ADGRL4: variants seen among roughly 807,000 people sequenced by gnomAD.
The protein encoded by ADGRL4 is adhesion G protein-coupled receptor L4, also known as EGF, latrophilin and seven transmembrane domain containing 1.
Under a neutral mutation model 74.8 loss-of-function variants are expected in ADGRL4, and 90 were observed. The observed-to-expected ratio is 1.20, with a 90% CI of 1.02 to 1.43. The LOEUF (loss-of-function observed/expected upper bound fraction) is 1.43. Among genes scored for constraint, ADGRL4 ranks in the 40% most tolerant of loss-of-function variants. The probability of loss-of-function intolerance (pLI) is 0.00; values close to 1 mark genes in which losing one functional copy is unlikely to be tolerated. For synonymous variants in ADGRL4, 311 were observed against 279.2 expected, an observed-to-expected ratio of 1.11 and a Z score of -1.14; for missense variants, 881 against 814.3, an observed-to-expected ratio of 1.08 and a Z score of -1.00.
intron 3 of ADGRL4, among the ~76,000 whole-genome samples, chr1:78,945,253 A>G (rs911367090): frequency 6.6e-6 from 1 of 150,794 alleles, no homozygotes; most frequent in Admixed American, 6.6e-5. Flanking sequence ...TTGAATATCT[A>G]TCTCTTTTAT....
intron 2 of ADGRL4, among the ~76,000 whole-genome samples, chr1:78,995,211 C>T (rs187406449): frequency 1.2e-4 from 19 of 152,224 alleles, no homozygotes; most frequent in African/African-American, 3.9e-4. Context: ...CAAGTGACCC[C>T]GGTATAGCAC....
intron 2 of ADGRL4, among the ~76,000 whole-genome samples, chr1:78,973,265 T>C (rs1365407702): frequency 6.6e-6 from 1 of 152,100 alleles, no homozygotes; most frequent in African/African-American, 2.4e-5. Context: ...GTCTGGTGAT[T>C]CCCTTCATAT....
chr1:78,939,384 T>A, intron 3 of ADGRL4, 126 bp from the exon 4 acceptor site: 1 of 1,028,870 alleles, frequency 9.7e-7, no homozygotes, highest in Non-Finnish European at 1.3e-6. Context: ...AACACTTGAA[T>A]TTCCTCTTCA....
At chr1:79,000,501 A>G (rs933541066) in intron 2 of ADGRL4, among the ~76,000 whole-genome samples, 2 of 152,160 alleles carry the variant, frequency 1.3e-5, no homozygotes, top group African/African-American at 4.8e-5. Context: ...AGTAAATATT[A>G]ACCTAAAGAA....
intron 2 of ADGRL4, among the ~76,000 whole-genome samples, chr1:78,950,231 C>A (rs183605581): frequency 5.3e-5 from 8 of 152,110 alleles, no homozygotes; most frequent in Admixed American, 5.2e-4. Flanking sequence ...AAGGGGTCCC[C>A]ACAATCCAAT....
At chr1:78,955,929 A>G (rs1649820268) in intron 2 of ADGRL4, among the ~76,000 whole-genome samples, 1 of 152,154 alleles carries the variant, frequency 6.6e-6, no homozygotes, top group Admixed American at 6.6e-5. Context: ...AAGTGTATGC[A>G]TTTATTTACA....
At chr1:79,004,265 T>C (rs1349902565) in intron 2 of ADGRL4, among the ~76,000 whole-genome samples, 2 of 147,328 alleles carry the variant, frequency 1.4e-5, no homozygotes, top group African/African-American at 4.9e-5. Flanking sequence ...GACCTAGTAC[T>C]TTTCTCTCTC....
intron 2 of ADGRL4, among the ~76,000 whole-genome samples, chr1:78,996,958 C>T (rs1171741889): frequency 6.6e-6 from 1 of 152,140 alleles, no homozygotes; most frequent in Non-Finnish European, 1.5e-5. Context: ...ACAAGTGAGT[C>T]ACAAAATGAG....
intron 1 of ADGRL4, among the ~76,000 whole-genome samples, chr1:79,006,157 C>G (rs1266130553): frequency 6.6e-6 from 1 of 152,122 alleles, no homozygotes; most frequent in Non-Finnish European, 1.5e-5. Flanking sequence ...TTATCAGGTA[C>G]CAAGAGATTC....
chr1:78,973,292 T>TA (rs1650208254), intron 2 of ADGRL4, among the ~76,000 whole-genome samples: 1 of 152,058 alleles, frequency 6.6e-6, no homozygotes, highest in African/African-American at 2.4e-5. Flanking sequence ...ATAAGCATTA[T>TA]ATATAAGCTA....
chr1:78,940,448 G>A (rs1404395882), intron 3 of ADGRL4, among the ~76,000 whole-genome samples: 1 of 152,068 alleles, frequency 6.6e-6, no homozygotes, highest in Non-Finnish European at 1.5e-5. Context: ...TAATAAAGGT[G>A]CTGGGTTTTA....
At chr1:78,937,618 A>G (rs1570241371) in intron 6 of ADGRL4, among the ~76,000 whole-genome samples, 189 bp downstream of exon 6, 1 of 152,214 alleles carries the variant, frequency 6.6e-6, no homozygotes, top group Non-Finnish European at 1.5e-5. Context: ...TTGTGGATTT[A>G]TCCTTTTGAC....
chr1:78,931,227 G>A (rs1408942576), intron 7 of ADGRL4, among the ~76,000 whole-genome samples: 1 of 150,172 alleles, frequency 6.7e-6, no homozygotes, highest in Non-Finnish European at 1.5e-5. Flanking sequence ...ACTAAGAATG[G>A]ACCTCTCAGC....
chr1:79,002,737 A>G (rs2100744385), intron 2 of ADGRL4, among the ~76,000 whole-genome samples: 1 of 152,158 alleles, frequency 6.6e-6, no homozygotes, highest in African/African-American at 2.4e-5. Context: ...TCTGTTAATT[A>G]ATTTTCTGGA....
chr1:78,918,119 CTACTT>C, intron 10 of ADGRL4, 69 bp from the exon 11 acceptor site: 7 of 1,271,752 alleles, frequency 5.5e-6, no homozygotes, highest in Non-Finnish European at 7.8e-6. Flanking sequence ...CATACAATCT[CTACTT>C]TCGCTGTAAA....
intron 2 of ADGRL4, among the ~76,000 whole-genome samples, chr1:78,961,390 C>G (rs971550398): frequency 2.0e-5 from 3 of 152,104 alleles, no homozygotes; most frequent in Non-Finnish European, 2.9e-5. Flanking sequence ...ATCCGCCCAC[C>G]TCGACCTCCC....
chr1:78,895,976 G>A (rs1451278471), intron 12 of ADGRL4, among the ~76,000 whole-genome samples: 1 of 152,020 alleles, frequency 6.6e-6, no homozygotes, highest in African/African-American at 2.4e-5. Flanking sequence ...ACCTTAAATA[G>A]GGATTTCTAA....
In ADGRL4 at chr1:78,939,336, T is replaced by A. The variant is rs938212364; in HGVS notation, c.326-78A>T. ...AAGCTGATCATATCAATCCCAATGA[T>A]CTTTCTCACTTATTTAAATATTAAA... On this transcript the variant is annotated intron_variant, in intron 3 of 14. Coordinates refer to ENST00000370742, the MANE Select transcript of ADGRL4 (RefSeq NM_022159.4). The A allele has an allele frequency of 7.5e-5, 94 of 1,254,900 alleles. No individual in the cohort carries two copies. The South Asian group carries it at 1.5e-3, about 20-fold the overall frequency. 77.7% of individuals were successfully genotyped at this position (1,254,900 alleles called of 1,614,324 possible).
At chr1:78,975,948 GAT>G (rs1225549143) in intron 2 of ADGRL4, among the ~76,000 whole-genome samples, 2 of 151,940 alleles carry the variant, frequency 1.3e-5, no homozygotes, top group Non-Finnish European at 2.9e-5. Flanking sequence ...TGACTTTCAA[GAT>G]ACTGGACAAC....
Sources: allele counts gnomAD v4.1 joint callset (sites outside exome capture counted in the v4.1 genomes callset), GRCh38; gene constraint gnomAD v4.1.1; transcripts MANE v1.5; gene names NCBI Gene and HGNC (gene_info 2026-07-23, HGNC 2026-07-21).